The following CSGALNACT1 variants were observed in gnomAD, a reference collection of about 807,000 sequenced individuals.
CSGALNACT1 encodes beta4GalNAcT-1.
Under a neutral mutation model 51.0 loss-of-function variants are expected in CSGALNACT1, and 52 were observed. That is an observed-to-expected ratio of 1.02 (90% CI 0.82 to 1.29). CSGALNACT1 has a LOEUF of 1.29. Among genes scored for constraint, CSGALNACT1 ranks in the 50% most tolerant of loss-of-function variants. The pLI, the probability that CSGALNACT1 is intolerant of heterozygous loss-of-function variation, is 0.00. For missense variants in CSGALNACT1, 935 were observed against 679.2 expected (o/e 1.38, Z -4.19); for synonymous variants, 341 against 254.4 (o/e 1.34, Z -3.24).
intron 8 of CSGALNACT1, among the ~76,000 whole-genome samples, chr8:19,415,557 G>A (rs991789844): frequency 6.6e-6 from 1 of 152,166 alleles, no homozygotes; most frequent in Non-Finnish European, 1.5e-5. Flanking sequence ...CTGAGGATGT[G>A]AGAAACTTGC....
chr8:19,445,336 G>A (rs569815489), intron 5 of CSGALNACT1, among the ~76,000 whole-genome samples: 159 of 152,302 alleles, frequency 1.0e-3, no homozygotes, highest in African/African-American at 3.6e-3. Flanking sequence ...CTAGAATCAG[G>A]AGAGGGTCAC....
rs561744902 is a variant in CSGALNACT1, at chr8:19,458,791, A to G, written c.635-149T>C. 1.0e-5 allele frequency: 8 copies of G among 770,264 alleles called. No individual in the cohort carries two copies. The East Asian group carries it at 1.8e-4, about 18-fold the overall frequency. The allele number at this position is 770,264 out of a possible 1,614,324, so 47.7% of individuals were successfully genotyped here. On this transcript the variant is annotated intron_variant, in intron 4 of 9. Transcript: ENST00000454498. ...TATTCGAAAATTCAAAATGCTCCCA[A>G]TTAAAAAATTCCAAAAGAAGTCAAA...
intron 8 of CSGALNACT1, among the ~76,000 whole-genome samples, chr8:19,411,351 G>A (rs930104483): frequency 6.6e-6 from 1 of 152,200 alleles, no homozygotes; most frequent in Non-Finnish European, 1.5e-5. Flanking sequence ...TAGCCCTGGT[G>A]AATGTAAGCT....
chr8:19,668,123 C>A (rs1454337574), intron 1 of CSGALNACT1, among the ~76,000 whole-genome samples: 1 of 152,122 alleles, frequency 6.6e-6, no homozygotes, highest in African/African-American at 2.4e-5. Flanking sequence ...GTCATCTACA[C>A]AATGAAAAAT....
intron 4 of CSGALNACT1, among the ~76,000 whole-genome samples, chr8:19,478,307 G>A (rs1386950480): frequency 5.3e-5 from 8 of 151,342 alleles, no homozygotes; most frequent in East Asian, 3.9e-4. Context: ...CCAGCTACTC[G>A]GGAGGCTGAG....
intron 3 of CSGALNACT1, among the ~76,000 whole-genome samples, chr8:19,574,862 C>A (rs2043809213): frequency 6.6e-6 from 1 of 152,064 alleles, no homozygotes; most frequent in Admixed American, 6.6e-5. Flanking sequence ...TGGTGAAATC[C>A]CGTCTCTACT....
chr8:19,418,452 C>A (rs2057308391), intron 8 of CSGALNACT1, among the ~76,000 whole-genome samples: 1 of 152,218 alleles, frequency 6.6e-6, no homozygotes, highest in Admixed American at 6.5e-5. Context: ...AGTACTGCTT[C>A]CATTTATTTT....
chr8:19,633,167 G>T (rs1394935198), intron 1 of CSGALNACT1, among the ~76,000 whole-genome samples: 1 of 152,070 alleles, frequency 6.6e-6, no homozygotes, highest in African/African-American at 2.4e-5. Context: ...GGCACAGGAG[G>T]TACTTGATTA....
intron 1 of CSGALNACT1, among the ~76,000 whole-genome samples, chr8:19,701,831 C>T (rs1037459423): frequency 6.6e-6 from 1 of 152,132 alleles, no homozygotes; most frequent in African/African-American, 2.4e-5. Context: ...TTCCAGAATC[C>T]ATGCTTTTAA....
At chr8:19,592,561 G>A (rs1418209850) in intron 2 of CSGALNACT1, among the ~76,000 whole-genome samples, 2 of 152,170 alleles carry the variant, frequency 1.3e-5, no homozygotes, top group East Asian at 1.9e-4. Context: ...AGACCAGCGT[G>A]GGCACCATGG....
chr8:19,485,737 G>T (rs2072721412), intron 4 of CSGALNACT1, among the ~76,000 whole-genome samples: 1 of 124,722 alleles, frequency 8.0e-6, no homozygotes. Flanking sequence ...ACTAACTAAA[G>T]TCTCACTGCC....
intron 3 of CSGALNACT1, among the ~76,000 whole-genome samples, chr8:19,567,520 A>G (rs141951166): frequency 4.6e-5 from 7 of 152,356 alleles, no homozygotes; most frequent in African/African-American, 1.7e-4. Flanking sequence ...TCTACCATAG[A>G]CATTACACTT....
intron 3 of CSGALNACT1, among the ~76,000 whole-genome samples, chr8:19,516,676 G>T (rs1248136807): frequency 3.3e-5 from 5 of 152,208 alleles, no homozygotes; most frequent in African/African-American, 1.2e-4. Flanking sequence ...CAACATTCAA[G>T]TGTTTCTAAG....
At chr8:19,695,128 C>G (rs761252211) in intron 1 of CSGALNACT1, among the ~76,000 whole-genome samples, 1 of 152,160 alleles carries the variant, frequency 6.6e-6, no homozygotes, top group African/African-American at 2.4e-5. Flanking sequence ...AACAAAATCT[C>G]CCTACATAAT....
chr8:19,556,586 G>T (rs2154091098), intron 3 of CSGALNACT1, among the ~76,000 whole-genome samples: 1 of 152,288 alleles, frequency 6.6e-6, no homozygotes, highest in South Asian at 2.1e-4. Flanking sequence ...TTGTGCTCTA[G>T]TCAATTTAAT....
At chr8:19,741,560 CAAAA>C (rs71545567) in intron 1 of CSGALNACT1, among the ~76,000 whole-genome samples, 5 of 108,818 alleles carry the variant, frequency 4.6e-5, no homozygotes, top group African/African-American at 9.9e-5. Flanking sequence ...GAGACTCCAT[CAAAA>C]AAAAAAAAAA....
intron 3 of CSGALNACT1, among the ~76,000 whole-genome samples, chr8:19,569,209 G>A (rs887725742): frequency 1.3e-5 from 2 of 152,168 alleles, no homozygotes; most frequent in African/African-American, 4.8e-5. Flanking sequence ...AGTGCTAGAG[G>A]AAAACTGAAA....
intron 1 of CSGALNACT1, among the ~76,000 whole-genome samples, chr8:19,650,106 G>T (rs1313175692): frequency 1.3e-5 from 2 of 152,138 alleles, no homozygotes; most frequent in Admixed American, 6.6e-5. Context: ...CGATTCAGTT[G>T]CTCTGGGGTG....
At chr8:19,715,754 C>G (rs1044974683) in intron 1 of CSGALNACT1, among the ~76,000 whole-genome samples, 4 of 151,936 alleles carry the variant, frequency 2.6e-5, no homozygotes, top group Non-Finnish European at 5.9e-5. Flanking sequence ...TGCTAGGTGT[C>G]TAGTGTAAGG....
Sources: allele counts gnomAD v4.1 joint callset (sites outside exome capture counted in the v4.1 genomes callset), GRCh38; gene constraint gnomAD v4.1.1; transcripts MANE v1.5; gene names NCBI Gene and HGNC (gene_info 2026-07-23, HGNC 2026-07-21).